Variants in IL1RL2 observed in about 807,000 individuals in gnomAD.
IL1RL2 encodes the protein interleukin 1 receptor like 2, also known as interleukin-1 receptor-like 2.
In IL1RL2, 68 loss-of-function variants were observed where a neutral mutation model predicts 66.8. That is an observed-to-expected ratio of 1.02 (90% CI 0.84 to 1.25). IL1RL2 has a LOEUF of 1.25. Among genes scored for constraint, IL1RL2 ranks in the 50% most tolerant of loss-of-function variants. The pLI is 0.00. For missense variants in IL1RL2, 729 were observed against 709.3 expected (o/e 1.03, Z -0.32); for synonymous variants, 305 against 264.6 (o/e 1.15, Z -1.48).
intron 8 of IL1RL2, among the ~76,000 whole-genome samples, chr2:102,222,904 G>A (rs1690262834): frequency 6.6e-6 from 1 of 152,164 alleles, no homozygotes; most frequent in Non-Finnish European, 1.5e-5. Flanking sequence ...CTAGAAGTTT[G>A]AGTTCTTTAC....
rs1376425707 is a variant in IL1RL2, at chr2:102,187,864, G to A, written c.-4G>A. 1.3e-6 allele frequency: 2 copies of A among 1,573,050 alleles called. No homozygotes were observed. The highest frequency in any genetic ancestry group is 4.7e-5 in the East Asian group (2 of 42,464). ...TTCTCCCTTCCTTGCAGCCCGGTTTGGGGATGTGGTCCTTGCTGCTCTGCG... is the reference window on the plus strand; with the variant it reads ...TTCTCCCTTCCTTGCAGCCCGGTTTAGGGATGTGGTCCTTGCTGCTCTGCG... On this transcript the variant is annotated 5_prime_UTR_variant, in exon 2 of 12. Coordinates refer to ENST00000264257, the MANE Select transcript of IL1RL2 (RefSeq NM_003854.4).
intron 6 of IL1RL2, among the ~76,000 whole-genome samples, chr2:102,213,362 T>C (rs12989930): frequency 0.049 from 7,515 of 152,234 alleles, 210 homozygotes; most frequent in Middle Eastern, 0.15. Context: ...AATGTAAAAA[T>C]TTATATCTAA....
At chr2:102,211,583 A>C (rs528538895) in intron 5 of IL1RL2, among the ~76,000 whole-genome samples, 1 of 152,352 alleles carries the variant, frequency 6.6e-6, no homozygotes, top group South Asian at 2.1e-4. Context: ...AGATTATTTT[A>C]AAGTAATTCA....
At chr2:102,225,688 G>A (rs1234833346) in intron 8 of IL1RL2, among the ~76,000 whole-genome samples, 2 of 152,230 alleles carry the variant, frequency 1.3e-5, no homozygotes, top group Non-Finnish European at 2.9e-5. Context: ...GAGCTGACTT[G>A]TTTCCTAACA....
At position 102,220,024 on chromosome 2, in the gene IL1RL2, C is replaced by T. The variant is rs1689962263; in HGVS notation, c.991+7C>T. ...ATTATATTACAGCTCCCAGGTAATA[C>T]TCCAGTGGGTTACACACTGTTCAGA... is the stretch of plus-strand genomic sequence containing the variant. On this transcript the variant is annotated splice_region_variant and intron_variant, in intron 8 of 11. Coordinates refer to ENST00000264257, the MANE Select transcript of IL1RL2 (RefSeq NM_003854.4). 6.2e-7 allele frequency: 1 copy of T among 1,607,910 alleles called. No homozygotes were observed. Among genetic ancestry groups the T allele is most frequent in the Non-Finnish European group, 8.5e-7 (1 of 1,174,996 alleles).
chr2:102,192,274 T>A (rs527809587), intron 4 of IL1RL2, among the ~76,000 whole-genome samples, 154 bp downstream of exon 4: 1 of 152,254 alleles, frequency 6.6e-6, no homozygotes, highest in African/African-American at 2.4e-5. Flanking sequence ...TAACGTTACC[T>A]TCCTAATTAC....
At chr2:102,231,249 G>A (rs747157361) in intron 9 of IL1RL2, among the ~76,000 whole-genome samples, 6 of 152,092 alleles carry the variant, frequency 3.9e-5, no homozygotes, top group African/African-American at 1.4e-4. Context: ...TCCACTCTTA[G>A]ACCCTCACTT....
chr2:102,210,159 T>C (rs1689040378), intron 5 of IL1RL2, among the ~76,000 whole-genome samples: 1 of 152,000 alleles, frequency 6.6e-6, no homozygotes, highest in Non-Finnish European at 1.5e-5. Flanking sequence ...ATTATGTGGA[T>C]GATGGAGTTG....
intron 8 of IL1RL2, among the ~76,000 whole-genome samples, chr2:102,220,218 A>T (rs1272209119): frequency 6.6e-6 from 1 of 152,244 alleles, no homozygotes; most frequent in African/African-American, 2.4e-5. Context: ...TTATTGCAGT[A>T]TATTTTGAAA....
In IL1RL2 at chr2:102,189,403, G is replaced by T. The variant is rs562123343; in HGVS notation, c.293+93G>T. ...AACGAACATAGAAAACTCTTGAGAAGAATTATGTTGTTGTATGTTTTTATA... is the reference window on the plus strand; with the variant it reads ...AACGAACATAGAAAACTCTTGAGAATAATTATGTTGTTGTATGTTTTTATA... On this transcript the variant is annotated intron_variant, in intron 3 of 11. Transcript: ENST00000264257. 2.2e-5 allele frequency: 16 copies of T among 732,944 alleles called. No individual in the cohort carries two copies. In the East Asian group the frequency reaches 3.3e-4, roughly 15 times the overall value. 45.4% of individuals were successfully genotyped at this position (732,944 alleles called of 1,614,324 possible). A position where few individuals can be genotyped will look rare whatever the true frequency, so the allele number is the denominator to read the frequency against.
intron 6 of IL1RL2, among the ~76,000 whole-genome samples, chr2:102,213,767 C>A (rs1689380581): frequency 6.6e-6 from 1 of 151,968 alleles, no homozygotes; most frequent in Non-Finnish European, 1.5e-5. Context: ...AAAGGACCAA[C>A]TAAACAACAA....
rs751194286 is a variant in IL1RL2 at position 102,189,313 on chromosome 2, A to C, written c.293+3A>C. 1 of 1,563,602 alleles carries C rather than the reference A, an allele frequency of 6.4e-7. No homozygotes were observed. The highest frequency in any genetic ancestry group is 8.8e-7 in the Non-Finnish European group (1 of 1,142,776). ...GGAGTCTACCAATGTGTTATAAAGT[A>C]AGTTCCTAATTTAAAATAGAACTAA... is the stretch of plus-strand genomic sequence containing the variant. On this transcript the variant is annotated splice_donor_region_variant and intron_variant, in intron 3 of 11. Coordinates refer to ENST00000264257, the MANE Select transcript of IL1RL2 (RefSeq NM_003854.4).
At chr2:102,216,605 C>G (rs35917382) in intron 6 of IL1RL2, among the ~76,000 whole-genome samples, 1 of 151,764 alleles carries the variant, frequency 6.6e-6, no homozygotes, top group East Asian at 1.9e-4. Flanking sequence ...GAACATGACT[C>G]CTGACATTTT....
rs144370165 is a variant in IL1RL2 at position 102,215,679 on chromosome 2, G to T, written c.725-3274G>T. ...CCTTGGCCTGAGAACCAACATGGTA[G>T]CCCAGCACCCTGCAAAGCCATGCCA... On this transcript the variant is annotated intron_variant, in intron 6 of 11. Transcript: ENST00000264257. Among the ~76,000 whole-genome samples the T allele has an allele frequency of 2.6e-5, 4 of 152,176 alleles. No individual in the cohort carries two copies. In the East Asian group the frequency reaches 7.8e-4, roughly 30 times the overall value.
intron 9 of IL1RL2, among the ~76,000 whole-genome samples, chr2:102,229,678 T>C (rs1239878534): frequency 6.6e-6 from 1 of 152,234 alleles, no homozygotes; most frequent in African/African-American, 2.4e-5. Flanking sequence ...GAATTAGTCA[T>C]TTGAAAGTGA....
chr2:102,234,885 CT>C lies in IL1RL2; in HGVS notation c.1298-9del, dbSNP rs561127945. Reference sequence around the variant, plus strand: ...TTGTGAGTTCTTCTGAGCCTTCTTTCTTTATTTCCAGCCGTGGCCAATGTCA... The same window carrying C: ...TTGTGAGTTCTTCTGAGCCTTCTTTCTTATTTCCAGCCGTGGCCAATGTCA... On this transcript the variant is annotated splice_polypyrimidine_tract_variant and intron_variant, in intron 10 of 11. Transcript: ENST00000264257. 4.2e-4 allele frequency: 670 copies of C among 1,605,714 alleles called. 5 individuals are homozygous for C. The South Asian group carries it at 4.7e-3, about 11-fold the overall frequency.
chr2:102,241,040 AGCTCACAGAGCCCCGTTCAG>A (rs1675217438), downstream of IL1RL2, among the ~76,000 whole-genome samples: 1 of 152,248 alleles, frequency 6.6e-6, no homozygotes, highest in South Asian at 2.1e-4. Flanking sequence ...TCCAGCCCGA[AGCTCACAGAGCCCCGTTCAG>A]GCTGCCGCAA....
chr2:102,217,217 A>T (rs1480718285), intron 6 of IL1RL2, among the ~76,000 whole-genome samples: 4 of 152,150 alleles, frequency 2.6e-5, no homozygotes, highest in Non-Finnish European at 4.4e-5. Context: ...TTTCTGAAAG[A>T]TAGTTTTGCT....
At chr2:102,201,822 G>T in intron 5 of IL1RL2, 107 bp downstream of exon 5, 1 of 1,097,906 alleles carries the variant, frequency 9.1e-7, no homozygotes, top group South Asian at 1.5e-5. Flanking sequence ...CTAGGTCTTG[G>T]TTTCCCTGAA....
Sources: gnomAD v4.1 joint callset for allele counts (sites outside exome capture counted in the v4.1 genomes callset) on GRCh38, gnomAD v4.1.1 for gene constraint, MANE v1.5 for transcripts, NCBI Gene and HGNC (gene_info 2026-07-23, HGNC 2026-07-21) for gene names.